Variants in ATP8B4 observed in about 807,000 individuals in gnomAD.
ATP8B4 encodes ATPase phospholipid transporting 8B4 (putative).
A neutral mutation model predicts 145.6 loss-of-function variants in ATP8B4; 133 were observed. That is an observed-to-expected ratio of 0.91 (90% CI 0.79 to 1.05). ATP8B4 has a LOEUF of 1.05. ATP8B4 is among the 50% of genes least tolerant of loss of function. The pLI is 0.00. For synonymous variants in ATP8B4, 507 were observed against 492.9 expected, an observed-to-expected ratio of 1.03 and a Z score of -0.38; for missense variants, 1,458 against 1,425.2, an observed-to-expected ratio of 1.02 and a Z score of -0.37.
chr15:49,886,462 G>T (rs2036200833), intron 23 of ATP8B4, among the ~76,000 whole-genome samples: 1 of 151,988 alleles, frequency 6.6e-6, no homozygotes, highest in Non-Finnish European at 1.5e-5. Flanking sequence ...TGTTTAATGG[G>T]TAAATAAAAA....
At chr15:50,047,508 C>T (rs1443243455) in intron 3 of ATP8B4, 44 bp from the exon 4 acceptor site, 1 of 1,181,586 alleles carries the variant, frequency 8.5e-7, no homozygotes, top group Non-Finnish European at 1.3e-6. Flanking sequence ...CAAGGCATTG[C>T]TCATGATCAG....
At chr15:50,043,749 C>A (rs963432230) in intron 5 of ATP8B4, among the ~76,000 whole-genome samples, 2 of 151,000 alleles carry the variant, frequency 1.3e-5, no homozygotes, top group African/African-American at 4.9e-5. Flanking sequence ...GTCAGGAGAT[C>A]GAGACCATCC....
intron 1 of ATP8B4, among the ~76,000 whole-genome samples, chr15:50,148,975 A>C (rs1389116749): frequency 6.6e-6 from 1 of 152,224 alleles, no homozygotes; most frequent in African/African-American, 2.4e-5. Flanking sequence ...ATAAGTACTT[A>C]GTATGTATCT....
At chr15:49,915,014 T>TAA (rs755808501) in intron 20 of ATP8B4, among the ~76,000 whole-genome samples, 111 of 152,298 alleles carry the variant, frequency 7.3e-4, no homozygotes, top group Non-Finnish European at 1.4e-3. Flanking sequence ...ACCCCATGTT[T>TAA]ACTGTAGCAC....
chr15:49,922,226 GA>G (rs903729672), intron 17 of ATP8B4: 6 of 177,984 alleles, frequency 3.4e-5, no homozygotes, highest in East Asian at 1.7e-4. Flanking sequence ...TATATTACCT[GA>G]AAAAAAATTA....
intron 1 of ATP8B4, among the ~76,000 whole-genome samples, chr15:50,107,688 T>G (rs1177868723): frequency 6.6e-6 from 1 of 152,094 alleles, no homozygotes; most frequent in African/African-American, 2.4e-5. Context: ...CACATGACAG[T>G]GCAGGCAGAG....
chr15:50,035,190 G>A (rs959259654), intron 6 of ATP8B4, among the ~76,000 whole-genome samples: 1 of 152,146 alleles, frequency 6.6e-6, no homozygotes, highest in Non-Finnish European at 1.5e-5. Flanking sequence ...AGGTTAGAAG[G>A]GAAGGGTTTC....
chr15:50,047,514 A>T (rs1351614698), intron 3 of ATP8B4, 50 bp from the exon 4 acceptor site: 5 of 1,120,690 alleles, frequency 4.5e-6, no homozygotes, highest in Non-Finnish European at 4.1e-6. Context: ...ATTGCTCATG[A>T]TCAGAAATAG....
intron 1 of ATP8B4, among the ~76,000 whole-genome samples, chr15:50,177,857 A>T (rs962618187): frequency 6.6e-6 from 1 of 152,232 alleles, no homozygotes; most frequent in African/African-American, 2.4e-5. Context: ...AGTTTGAGAA[A>T]TAGTGAACTA....
chr15:49,872,825 G>A (rs1181639752), intron 25 of ATP8B4, among the ~76,000 whole-genome samples: 4 of 152,080 alleles, frequency 2.6e-5, no homozygotes, highest in African/African-American at 9.7e-5. Context: ...AGAGAAAAGG[G>A]TAATTAATGG....
chr15:49,924,560 T>C (rs187353283), intron 16 of ATP8B4, among the ~76,000 whole-genome samples: 13 of 152,238 alleles, frequency 8.5e-5, no homozygotes, highest in African/African-American at 2.9e-4. Flanking sequence ...CCAAAGAAAA[T>C]GGCGTACAAA....
chr15:49,950,232 T>C (rs1275845680), intron 14 of ATP8B4, among the ~76,000 whole-genome samples: 2 of 152,176 alleles, frequency 1.3e-5, no homozygotes, highest in Non-Finnish European at 2.9e-5. Context: ...TCAGAAGGAA[T>C]GGTACCAGCT....
intron 21 of ATP8B4, among the ~76,000 whole-genome samples, chr15:49,899,346 T>C (rs747964687): frequency 6.6e-6 from 1 of 152,180 alleles, no homozygotes; most frequent in East Asian, 1.9e-4. Context: ...GTCATACCAC[T>C]GTGTGATTAT....
chr15:50,135,400 A>G (rs540319739), intron 1 of ATP8B4, among the ~76,000 whole-genome samples: 46 of 152,128 alleles, frequency 3.0e-4, no homozygotes, highest in Non-Finnish European at 5.4e-4. Flanking sequence ...ACTTCAGAGA[A>G]CCTTTCATTT....
chr15:50,082,537 A>G (rs540135279), intron 2 of ATP8B4, among the ~76,000 whole-genome samples: 4 of 152,206 alleles, frequency 2.6e-5, no homozygotes. Flanking sequence ...TTGATTTGAG[A>G]ACTTTATTCC....
chr15:50,027,379 G>GTGGATGGATGGATGGATGGA (rs56814126), intron 6 of ATP8B4, among the ~76,000 whole-genome samples: 20,322 of 148,894 alleles, frequency 0.14, 1,615 homozygotes, highest in African/African-American at 0.19. Flanking sequence ...GGATGGATGG[G>GTGGATGGATGGATGGATGGA]TGGATGGATG....
intron 20 of ATP8B4, among the ~76,000 whole-genome samples, chr15:49,913,092 C>G (rs1427914895): frequency 1.3e-5 from 2 of 149,902 alleles, no homozygotes; most frequent in Non-Finnish European, 2.9e-5. Flanking sequence ...GATTGCACCA[C>G]TGCAGTGAAA....
chr15:49,933,524 C>A (rs1354269579), intron 15 of ATP8B4, among the ~76,000 whole-genome samples: 1 of 152,008 alleles, frequency 6.6e-6, no homozygotes, highest in African/African-American at 2.4e-5. Context: ...CATAATGGAG[C>A]CTAAATAAGA....
chr15:50,105,514 G>A (rs1002401550), intron 2 of ATP8B4, among the ~76,000 whole-genome samples: 3 of 152,126 alleles, frequency 2.0e-5, no homozygotes, highest in Non-Finnish European at 4.4e-5. Flanking sequence ...AAAGATGTCT[G>A]TGATTATAAT....
Sources: allele counts gnomAD v4.1 joint callset (sites outside exome capture counted in the v4.1 genomes callset), GRCh38; gene constraint gnomAD v4.1.1; transcripts MANE v1.5; gene names NCBI Gene and HGNC (gene_info 2026-07-23, HGNC 2026-07-21).